Variants in WDR35 observed in about 807,000 individuals in gnomAD.
WDR35 encodes the protein WD repeat-containing protein 35.
In WDR35, 118 loss-of-function variants were observed where a neutral mutation model predicts 158.3. The ratio of observed to expected loss-of-function variants is 0.75; its 90% CI spans 0.64 to 0.87. The LOEUF (loss-of-function observed/expected upper bound fraction) is 0.87. Ranked by LOEUF, WDR35 falls within the 40% of genes least tolerant of loss-of-function variation. The probability of loss-of-function intolerance (pLI) is 0.00; values close to 1 mark genes in which losing one functional copy is unlikely to be tolerated. For synonymous variants in WDR35, 448 were observed against 476.1 expected (o/e 0.94, Z 0.77); for missense variants, 1,263 against 1,405.8 (o/e 0.90, Z 1.62).
chr2:19,984,002 C>CATATAT (rs753374553), intron 2 of WDR35, among the ~76,000 whole-genome samples: 143 of 89,808 alleles, frequency 1.6e-3, no homozygotes, highest in African/African-American at 6.2e-3. Context: ...CATTCTAATG[C>CATATAT]ATATATATAT....
chr2:19,948,104 T>C (rs1472071391), intron 14 of WDR35, 60 bp downstream of exon 14: 44 of 1,397,022 alleles, frequency 3.1e-5, no homozygotes, highest in Non-Finnish European at 4.0e-5. Context: ...ACCTGGCTCC[T>C]ACCATATTTT....
chr2:19,963,149 G>A (rs1011727240), intron 10 of WDR35, among the ~76,000 whole-genome samples: 1 of 152,088 alleles, frequency 6.6e-6, no homozygotes, highest in Non-Finnish European at 1.5e-5. Context: ...CTACCACACA[G>A]GGGCACCTTT....
chr2:19,964,908 A>G (rs923249365), intron 10 of WDR35, among the ~76,000 whole-genome samples: 2 of 151,932 alleles, frequency 1.3e-5, no homozygotes, highest in Non-Finnish European at 2.9e-5. Flanking sequence ...TCTGAAGGTA[A>G]TATTAATGGT....
At chr2:19,938,515 T>C (rs1670771238) in intron 17 of WDR35, 114 bp from the exon 18 acceptor site, 1 of 1,334,136 alleles carries the variant, frequency 7.5e-7, no homozygotes, top group South Asian at 1.4e-5. Context: ...GGCATCATAT[T>C]GTGAGCAAAA....
At chr2:19,941,306 AAGAT>A (rs1450447546) in intron 17 of WDR35, among the ~76,000 whole-genome samples, 7 of 152,278 alleles carry the variant, frequency 4.6e-5, no homozygotes, top group East Asian at 3.9e-4. Context: ...AAAAAATGGA[AAGAT>A]AGATCTCTAA....
rs1671030102 is a variant in WDR35 at position 19,945,877 on chromosome 2, A to G, written c.1754T>C (p.Val585Ala). 1 of 1,613,886 alleles carries G rather than the reference A, an allele frequency of 6.2e-7. No homozygotes were observed. Among genetic ancestry groups the G allele is most frequent in the Non-Finnish European group, 8.5e-7 (1 of 1,179,896 alleles). Residue 585 changes from valine to alanine, a missense_variant, in exon 16 of 27, where the codon GTC becomes GCC. Physicochemically the swap from Val to Ala is moderately conservative, Grantham distance 64. Coordinates refer to ENST00000281405, the MANE Select transcript of WDR35 (RefSeq NM_020779.4). ...ATCTTTGGCCCACTTCATATCCCAG[A>G]CATCTCTTCGTTCCAATTTTAACAA... ...GELLKLERRD[V>A]WDMKWAKDNP...
In WDR35 at chr2:19,924,420, C is replaced by T. The variant is rs941350386; in HGVS notation, c.3121+5976G>A. 4.6e-5 allele frequency among the ~76,000 whole-genome samples: 7 copies of T among 152,042 alleles called. No individual in the cohort carries two copies. The South Asian group carries it at 1.5e-3, about 32-fold the overall frequency. ...TCTACTAAAAATACAAAAAATTCGC[C>T]GGGTGTGGTGGCGGGCGCCTGTAGT... On this transcript the variant is annotated intron_variant, in intron 25 of 26. Coordinates refer to ENST00000281405, the MANE Select transcript of WDR35 (RefSeq NM_020779.4).
At chr2:19,933,594 G>C in intron 21 of WDR35, 83 bp from the exon 22 acceptor site, 1 of 1,186,304 alleles carries the variant, frequency 8.4e-7, no homozygotes, top group African/African-American at 1.5e-5. Flanking sequence ...CCGTAGGGAC[G>C]TATGAGTATT....
At chr2:19,922,048 T>C (rs1670183402) in intron 25 of WDR35, among the ~76,000 whole-genome samples, 1 of 152,138 alleles carries the variant, frequency 6.6e-6, no homozygotes, top group African/African-American at 2.4e-5. Context: ...AGAATGGTGA[T>C]CATTAAAAAG....
chr2:19,974,133 G>A (rs12474041), intron 7 of WDR35, among the ~76,000 whole-genome samples: 12,334 of 151,862 alleles, frequency 0.081, 720 homozygotes, highest in East Asian at 0.23. Flanking sequence ...AATTGAGGCC[G>A]GGCACAGTGG....
chr2:19,962,584 C>A (rs1311887607), intron 10 of WDR35, among the ~76,000 whole-genome samples: 1 of 152,116 alleles, frequency 6.6e-6, no homozygotes, highest in Non-Finnish European at 1.5e-5. Context: ...CTGACTAGAA[C>A]AACAATTTCA....
intron 1 of WDR35, 32 bp from the exon 2 acceptor site, chr2:19,989,314 T>C: frequency 1.9e-6 from 3 of 1,587,844 alleles, no homozygotes; most frequent in Non-Finnish European, 2.6e-6. Flanking sequence ...CACTAGCAAC[T>C]TTTCACGAAG....
chr2:19,914,561 C>T (rs1018493312), intron 25 of WDR35, among the ~76,000 whole-genome samples: 2 of 152,096 alleles, frequency 1.3e-5, no homozygotes, highest in Admixed American at 1.3e-4. Flanking sequence ...ATTTTGGTGT[C>T]AAAACATCCA....
intron 11 of WDR35, among the ~76,000 whole-genome samples, chr2:19,958,833 A>G (rs1671536714): frequency 6.6e-6 from 1 of 152,160 alleles, no homozygotes; most frequent in Admixed American, 6.6e-5. Flanking sequence ...AAAAAAGGAT[A>G]CCTAACTCTC....
chr2:19,959,180 C>T (rs1464801291), intron 11 of WDR35, among the ~76,000 whole-genome samples: 1 of 151,540 alleles, frequency 6.6e-6, no homozygotes, highest in Non-Finnish European at 1.5e-5. Flanking sequence ...CTCAAAAATA[C>T]AAATAGTCAT....
At chr2:19,965,166 G>A (rs1261854835) in intron 10 of WDR35, among the ~76,000 whole-genome samples, 13 of 152,218 alleles carry the variant, frequency 8.5e-5, no homozygotes, top group Non-Finnish European at 1.5e-4. Context: ...CAGGTAATCC[G>A]CCCGCCTTGG....
intron 25 of WDR35, among the ~76,000 whole-genome samples, chr2:19,923,539 G>A (rs982781964): frequency 6.6e-6 from 1 of 152,194 alleles, no homozygotes; most frequent in Non-Finnish European, 1.5e-5. Context: ...TAAAGCTAAA[G>A]CGGTAAAGGA....
In WDR35 at chr2:19,973,617, T is replaced by G; in HGVS notation, c.828A>C (p.Ala276=). 1 of 1,614,218 alleles carries G rather than the reference T, an allele frequency of 6.2e-7. No homozygotes were observed. The highest frequency in any genetic ancestry group is 8.5e-7 in the Non-Finnish European group (1 of 1,180,042). The change falls in exon 8 of 27, where the codon GCA becomes GCC. Residue 276 remains alanine (A), a synonymous_variant. Transcript: ENST00000281405. The part of the protein sequence containing the change: ...SVLAVAGFQK[A]AMQDKDVNIV... ...TGTTCACATCTTTGTCCTGCATGGC[T>G]GCCTTCTGGAAGCCTGCCACAGCTA...
chr2:19,923,276 G>C (rs1387934834), intron 25 of WDR35, among the ~76,000 whole-genome samples: 1 of 152,150 alleles, frequency 6.6e-6, no homozygotes, highest in East Asian at 1.9e-4. Flanking sequence ...ATCCACCGTG[G>C]GGGCTTGAAT....
Sources: gnomAD v4.1 joint callset for allele counts (sites outside exome capture counted in the v4.1 genomes callset) on GRCh38, gnomAD v4.1.1 for gene constraint, MANE v1.5 for transcripts, NCBI Gene and HGNC (gene_info 2026-07-23, HGNC 2026-07-21) for gene names.